MON2: variants seen among roughly 807,000 people sequenced by gnomAD.
MON2 encodes the protein protein MON2 homolog.
Under a neutral mutation model 208.6 loss-of-function variants are expected in MON2, and 84 were observed. The observed-to-expected ratio is 0.40, with a 90% confidence interval of 0.34 to 0.48. The LOEUF (loss-of-function observed/expected upper bound fraction) is 0.48, where lower values mean the gene tolerates loss of function less well. Ranked by LOEUF, MON2 falls within the 20% of genes least tolerant of loss-of-function variation. The pLI is 0.59. For missense variants in MON2, 1,611 were observed against 2,015.4 expected, an observed-to-expected ratio of 0.80 and a Z score of 3.84; for synonymous variants, 660 against 694.0, an observed-to-expected ratio of 0.95 and a Z score of 0.77.
chr12:62,516,870 T>C (rs892279428), intron 8 of MON2, among the ~76,000 whole-genome samples: 1 of 152,008 alleles, frequency 6.6e-6, no homozygotes, highest in Non-Finnish European at 1.5e-5. Context: ...ACCTACTATA[T>C]ACTCATAAAA....
intron 27 of MON2, 119 bp from the exon 28 acceptor site, chr12:62,565,895 C>T (rs2074366344): frequency 8.4e-6 from 7 of 833,438 alleles, no homozygotes; most frequent in African/African-American, 3.5e-5. Flanking sequence ...GAATGCATGC[C>T]CATGCTGATT....
At position 62,571,432 on chromosome 12, in the gene MON2, C is replaced by T; in HGVS notation, c.4364C>T (p.Ser1455Phe). The change falls in exon 30 of 35, where the codon TCT becomes TTT. Residue 1455 changes from serine to phenylalanine, a missense_variant. Physicochemically the swap from Ser to Phe is radical, Grantham distance 155. Coordinates refer to ENST00000393630, the MANE Select transcript of MON2 (RefSeq NM_015026.3). ...VPLSLKYSCP[S>F]ESTWKLAVSS... is the part of the protein sequence containing the mutation. The stretch of plus-strand genomic sequence containing the variant: ...CTCAGTTTGAAGTATTCCTGCCCTT[C>T]TGAAAGCACATGGAAACTAGCAGTA... The T allele has an allele frequency of 6.2e-7, 1 of 1,612,916 alleles. No homozygotes were observed. Among genetic ancestry groups the T allele is most frequent in the Non-Finnish European group, 8.5e-7 (1 of 1,179,120 alleles).
At chr12:62,490,254 T>G (rs1213633863) in intron 2 of MON2, 1 of 153,686 alleles carries the variant, frequency 6.5e-6, no homozygotes, top group Non-Finnish European at 1.5e-5. Context: ...CTTTTATCCC[T>G]CTCCGTAACC....
intron 8 of MON2, among the ~76,000 whole-genome samples, chr12:62,521,109 G>A (rs948646632): frequency 9.2e-5 from 14 of 151,584 alleles, no homozygotes; most frequent in African/African-American, 2.9e-4. Context: ...AGGTTCAAGC[G>A]ATTCTCCTGC....
At chr12:62,556,964 A>T (rs1425264348) in intron 25 of MON2, among the ~76,000 whole-genome samples, 4 of 152,188 alleles carry the variant, frequency 2.6e-5, no homozygotes, top group Non-Finnish European at 5.9e-5. Context: ...GCACACCTGC[A>T]ATCCCAGCTA....
intron 7 of MON2, among the ~76,000 whole-genome samples, chr12:62,506,725 C>A (rs76612379): frequency 1.2e-4 from 18 of 144,658 alleles, no homozygotes; most frequent in Admixed American, 1.4e-4. Context: ...AACTCCATCT[C>A]AAAAAAAAAA....
chr12:62,493,548 G>A (rs2136047285), intron 2 of MON2, among the ~76,000 whole-genome samples: 1 of 152,222 alleles, frequency 6.6e-6, no homozygotes, highest in South Asian at 2.1e-4. Flanking sequence ...TTCTAGGGTG[G>A]GAATTCTTAT....
chr12:62,558,812 C>T, intron 25 of MON2, among the ~76,000 whole-genome samples: 1 of 151,604 alleles, frequency 6.6e-6, no homozygotes, highest in East Asian at 1.9e-4. Flanking sequence ...ATTCTCTTGC[C>T]TCGGCCTCTG....
intron 28 of MON2, 47 bp from the exon 29 acceptor site, chr12:62,566,275 T>G: frequency 2.5e-6 from 4 of 1,581,706 alleles, no homozygotes; most frequent in Non-Finnish European, 3.4e-6. Context: ...TATGATTAAT[T>G]TAATCTCAGT....
At chr12:62,530,984 T>C (rs1332717849) in intron 11 of MON2, among the ~76,000 whole-genome samples, 1 of 152,218 alleles carries the variant, frequency 6.6e-6, no homozygotes, top group Non-Finnish European at 1.5e-5. Flanking sequence ...TAATTACTGG[T>C]GACAAGCATC....
At chr12:62,524,786 T>C in intron 9 of MON2, 147 bp downstream of exon 9, 1 of 854,358 alleles carries the variant, frequency 1.2e-6, no homozygotes, top group Admixed American at 2.9e-5. Flanking sequence ...AATAGGGTAT[T>C]GTATCTATAA....
intron 16 of MON2, 90 bp downstream of exon 16, chr12:62,537,796 A>G: frequency 2.9e-6 from 3 of 1,018,134 alleles, no homozygotes; most frequent in Non-Finnish European, 4.4e-6. Flanking sequence ...GATGTTTTGG[A>G]CAGGCCTAAA....
Position 62,467,031 on chromosome 12 carries a change from T to C in MON2, c.-177T>C. The C allele has an allele frequency of 1.9e-6, 1 of 514,034 alleles. No homozygotes were observed. The highest frequency in any genetic ancestry group is 3.4e-6 in the Non-Finnish European group (1 of 291,222). 31.8% of individuals were successfully genotyped at this position (514,034 alleles called of 1,614,324 possible). ...GCGCCTCCGAGAAAAGCCAGAGGTG[T>C]TGCGGGGAAGCTGCTGGGGGACGCT... On this transcript the variant is annotated 5_prime_UTR_variant, in exon 1 of 35. Transcript: ENST00000393630.
At chr12:62,573,579 A>G (rs1396429155) in intron 30 of MON2, among the ~76,000 whole-genome samples, 2 of 151,764 alleles carry the variant, frequency 1.3e-5, no homozygotes, top group East Asian at 1.9e-4. Flanking sequence ...ATGGTTTTCT[A>G]TGTAAAATAA....
intron 11 of MON2, among the ~76,000 whole-genome samples, chr12:62,529,414 A>G (rs1592311642): frequency 6.6e-6 from 1 of 152,172 alleles, no homozygotes; most frequent in Non-Finnish European, 1.5e-5. Context: ...AATGATCACT[A>G]TATATAGATG....
In MON2 at chr12:62,537,626, A is replaced by G; in HGVS notation, c.2038A>G (p.Met680Val). 1 of 1,612,548 alleles carries G rather than the reference A, an allele frequency of 6.2e-7. No individual in the cohort carries two copies. The highest frequency in any genetic ancestry group is 8.5e-7 in the Non-Finnish European group (1 of 1,179,382). The change falls in exon 16 of 35, where the codon ATG becomes GTG. Residue 680 changes from methionine (M) to valine (V), a missense_variant. Transcript: ENST00000393630. ...GCTGACTTCCAAAAATATCCAGTGT[A>G]TGAGGACTTTACTTAACTTGGCGCA... ...VMLTSKNIQC[M>V]RTLLNLAHCH...
At chr12:62,547,892 G>T (rs1187664355) in intron 22 of MON2, among the ~76,000 whole-genome samples, 2 of 152,086 alleles carry the variant, frequency 1.3e-5, no homozygotes, top group African/African-American at 4.8e-5. Flanking sequence ...TATCATCTAG[G>T]TTTGTGTCAG....
chr12:62,577,557 T>C (rs761657963), intron 30 of MON2, among the ~76,000 whole-genome samples: 1 of 152,082 alleles, frequency 6.6e-6, no homozygotes, highest in Non-Finnish European at 1.5e-5. Flanking sequence ...TAAAAAAGAA[T>C]AATGTAGGCT....
chr12:62,580,403 A>G lies in MON2; in HGVS notation c.4682A>G (p.Gln1561Arg). ...TMLNKGSIHS[Q>R]SSSFTEAEID... ...CTTAACAAGGGCTCAATACATTCTC[A>G]GTCATCTTCATTTACAGGTATGTTA... Residue 1561 changes from glutamine to arginine, a missense_variant, in exon 32 of 35, where the codon CAG becomes CGG. By Grantham distance (43) the Gln-to-Arg change is conservative. Coordinates refer to ENST00000393630, the MANE Select transcript of MON2 (RefSeq NM_015026.3). The G allele has an allele frequency of 6.2e-7, 1 of 1,600,014 alleles. No homozygotes were observed. Among genetic ancestry groups the G allele is most frequent in the Non-Finnish European group, 8.5e-7 (1 of 1,171,020 alleles).
Sources: allele counts gnomAD v4.1 joint callset (sites outside exome capture counted in the v4.1 genomes callset), GRCh38; gene constraint gnomAD v4.1.1; transcripts MANE v1.5; gene names NCBI Gene and HGNC (gene_info 2026-07-23, HGNC 2026-07-21).